The following MAPKAP1 variants were observed in gnomAD, a reference collection of about 807,000 sequenced individuals.
The protein encoded by MAPKAP1 is target of rapamycin complex 2 subunit MAPKAP1.
In MAPKAP1, 20 loss-of-function variants were observed where a neutral mutation model predicts 65.7. The observed-to-expected ratio is 0.30, with a 90% confidence interval of 0.21 to 0.44. The LOEUF is 0.44. Among genes scored for constraint, MAPKAP1 ranks in the 20% least tolerant of loss-of-function variants. MAPKAP1 has a pLI of 1.00. For missense variants in MAPKAP1, 423 were observed against 648.0 expected, an observed-to-expected ratio of 0.65 and a Z score of 3.77; for synonymous variants, 222 against 244.3, an observed-to-expected ratio of 0.91 and a Z score of 0.85.
At chr9:125,695,751 G>T (rs185898869) in intron 1 of MAPKAP1, among the ~76,000 whole-genome samples, 490 of 150,404 alleles carry the variant, frequency 3.3e-3, no homozygotes, top group South Asian at 6.9e-3. Flanking sequence ...TTTTTGAGAC[G>T]GAGTTTCACC....
At chr9:125,650,430 C>T (rs1256560598) in intron 4 of MAPKAP1, 2 of 152,308 alleles carry the variant, frequency 1.3e-5, no homozygotes, top group Non-Finnish European at 2.9e-5. Context: ...AGTCACACAA[C>T]TTTCTTTTGG....
chr9:125,518,126 A>G (rs1219892591), intron 7 of MAPKAP1, among the ~76,000 whole-genome samples: 1 of 152,236 alleles, frequency 6.6e-6, no homozygotes, highest in East Asian at 1.9e-4. Flanking sequence ...CCTAAGAAAT[A>G]TTAGCCCAAG....
intron 7 of MAPKAP1, among the ~76,000 whole-genome samples, chr9:125,526,240 C>T (rs1368046144): frequency 1.3e-5 from 2 of 152,312 alleles, no homozygotes; most frequent in African/African-American, 4.8e-5. Flanking sequence ...TACCTCTCCA[C>T]AGAAGTTAGA....
intron 4 of MAPKAP1, among the ~76,000 whole-genome samples, chr9:125,625,276 A>T (rs1429750684): frequency 6.7e-6 from 1 of 149,054 alleles, no homozygotes; most frequent in African/African-American, 2.5e-5. Context: ...AAAAAAAAAA[A>T]AAAACAAGGG....
At chr9:125,500,605 T>C (rs925963258) in intron 8 of MAPKAP1, among the ~76,000 whole-genome samples, 3 of 152,218 alleles carry the variant, frequency 2.0e-5, no homozygotes, top group Non-Finnish European at 2.9e-5. Flanking sequence ...TGTGCTTGCA[T>C]ATACATAGAT....
intron 5 of MAPKAP1, among the ~76,000 whole-genome samples, chr9:125,562,072 T>C (rs1464140787): frequency 6.6e-6 from 1 of 152,188 alleles, no homozygotes; most frequent in Admixed American, 6.5e-5. Flanking sequence ...TTTATTGCCA[T>C]GTAAATCAAC....
chr9:125,568,917 TAA>T, intron 5 of MAPKAP1: 1 of 176,188 alleles, frequency 5.7e-6, no homozygotes. Context: ...ATGAATGGTT[TAA>T]AAAAAAAATC....
intron 4 of MAPKAP1, among the ~76,000 whole-genome samples, chr9:125,657,190 T>C (rs537824797): frequency 4.9e-4 from 75 of 152,272 alleles, no homozygotes; most frequent in African/African-American, 1.7e-3. Flanking sequence ...TAGACCTTGA[T>C]TAATCACAAT....
intron 4 of MAPKAP1, among the ~76,000 whole-genome samples, chr9:125,620,416 G>A (rs755279639): frequency 1.3e-5 from 2 of 152,232 alleles, no homozygotes; most frequent in Non-Finnish European, 2.9e-5. Context: ...TGGTAGGAGT[G>A]TAATTGGAGC....
At chr9:125,561,590 T>G (rs1372898947) in intron 5 of MAPKAP1, among the ~76,000 whole-genome samples, 1 of 152,106 alleles carries the variant, frequency 6.6e-6, no homozygotes, top group Non-Finnish European at 1.5e-5. Flanking sequence ...AGAAAGCACT[T>G]TGGATGAGGA....
At chr9:125,579,061 G>T (rs1288553353) in intron 5 of MAPKAP1, among the ~76,000 whole-genome samples, 1 of 152,122 alleles carries the variant, frequency 6.6e-6, no homozygotes, top group Non-Finnish European at 1.5e-5. Flanking sequence ...TTTAAAATTT[G>T]ACCATTTAGA....
chr9:125,657,905 A>G (rs560382446), intron 3 of MAPKAP1, 106 bp from the exon 4 acceptor site: 541 of 1,097,974 alleles, frequency 4.9e-4, no homozygotes, highest in Non-Finnish European at 6.6e-4. Flanking sequence ...GCATCCAGAG[A>G]CATGTTCAGG....
intron 1 of MAPKAP1, among the ~76,000 whole-genome samples, chr9:125,700,335 T>A (rs1221232084): frequency 6.6e-6 from 1 of 152,022 alleles, no homozygotes; most frequent in Non-Finnish European, 1.5e-5. Flanking sequence ...GAAAATGTTA[T>A]TTTTTTTGAA....
intron 10 of MAPKAP1, among the ~76,000 whole-genome samples, chr9:125,445,182 C>T (rs1294215046): frequency 3.9e-5 from 6 of 152,158 alleles, no homozygotes; most frequent in East Asian, 1.9e-4. Context: ...CCTCACAAAG[C>T]GACCGACTCC....
chr9:125,508,802 G>A (rs899023415), intron 7 of MAPKAP1, among the ~76,000 whole-genome samples: 4 of 152,112 alleles, frequency 2.6e-5, no homozygotes, highest in Non-Finnish European at 5.9e-5. Flanking sequence ...AATGAGCTAT[G>A]ACTGTGCCAC....
At chr9:125,529,625 T>C (rs1458969416) in intron 7 of MAPKAP1, among the ~76,000 whole-genome samples, 3 of 152,264 alleles carry the variant, frequency 2.0e-5, no homozygotes, top group Non-Finnish European at 4.4e-5. Context: ...GGAGTTCCAA[T>C]AGACCACCTT....
intron 4 of MAPKAP1, among the ~76,000 whole-genome samples, chr9:125,649,029 AT>A (rs1833814796): frequency 6.6e-6 from 1 of 152,186 alleles, no homozygotes; most frequent in Non-Finnish European, 1.5e-5. Context: ...CTAGGCTGTC[AT>A]TTGATTTCTC....
intron 4 of MAPKAP1, among the ~76,000 whole-genome samples, chr9:125,588,005 C>T (rs775734309): frequency 1.3e-5 from 2 of 152,098 alleles, no homozygotes; most frequent in Non-Finnish European, 2.9e-5. Context: ...TGAAAATGTT[C>T]GGCAGTTTCT....
chr9:125,584,404 T>C (rs1222941473), intron 5 of MAPKAP1, among the ~76,000 whole-genome samples: 1 of 152,216 alleles, frequency 6.6e-6, no homozygotes, highest in African/African-American at 2.4e-5. Flanking sequence ...TGGATCATAC[T>C]AACTCTGAAA....
Sources: gnomAD v4.1 joint callset for allele counts (sites outside exome capture counted in the v4.1 genomes callset) on GRCh38, gnomAD v4.1.1 for gene constraint, MANE v1.5 for transcripts, NCBI Gene and HGNC (gene_info 2026-07-23, HGNC 2026-07-21) for gene names.